Variants in MERTK observed in about 807,000 individuals in gnomAD.
MERTK encodes the protein MER proto-oncogene, tyrosine kinase.
A neutral mutation model predicts 99.3 loss-of-function variants in MERTK; 69 were observed. The observed-to-expected ratio is 0.70, with a 90% CI of 0.57 to 0.85. The LOEUF (loss-of-function observed/expected upper bound fraction) is 0.85. Ranked by LOEUF, MERTK falls within the 40% of genes least tolerant of loss-of-function variation. The probability of loss-of-function intolerance (pLI) is 0.00; values close to 1 mark genes in which losing one functional copy is unlikely to be tolerated. For missense variants in MERTK, 1,125 were observed against 1,249.4 expected (o/e 0.90, Z 1.50); for synonymous variants, 426 against 467.6 (o/e 0.91, Z 1.15).
intron 2 of MERTK, among the ~76,000 whole-genome samples, chr2:111,934,294 C>T (rs1420574239): frequency 2.6e-5 from 4 of 152,142 alleles, no homozygotes; most frequent in Non-Finnish European, 5.9e-5. Context: ...TGAGGAATTG[C>T]CACACTATCT....
intron 4 of MERTK, among the ~76,000 whole-genome samples, chr2:111,960,679 G>C (rs756480880): frequency 6.6e-6 from 1 of 151,662 alleles, no homozygotes; most frequent in Non-Finnish European, 1.5e-5. Context: ...TTGCCAATAA[G>C]TTCCCATGGT....
intron 2 of MERTK, among the ~76,000 whole-genome samples, chr2:111,942,710 C>T (rs1004378951): frequency 1.3e-5 from 2 of 151,984 alleles, no homozygotes; most frequent in African/African-American, 4.8e-5. Context: ...TACAAAAGAA[C>T]GAGGGGAAAG....
At chr2:111,936,233 A>G (rs573653670) in intron 2 of MERTK, among the ~76,000 whole-genome samples, 1 of 152,164 alleles carries the variant, frequency 6.6e-6, no homozygotes, top group African/African-American at 2.4e-5. Context: ...AAAATATTTT[A>G]AGGTATTTTA....
rs12467161 is a variant in MERTK, at chr2:111,957,151, T to G, written c.758-8040T>G. Among the ~76,000 whole-genome samples, 25 of 152,052 alleles carry G rather than the reference T, an allele frequency of 1.6e-4. 1 individual carries two copies. Among genetic ancestry groups the G allele is most frequent in the Middle Eastern group, 3.4e-3 (1 of 294 alleles). ...ACCGTGTTAGCCAGGATGGTCTCGATCTCCTGACCTCGTGATCCGCCCGCC... is the reference window on the plus strand; with the variant it reads ...ACCGTGTTAGCCAGGATGGTCTCGAGCTCCTGACCTCGTGATCCGCCCGCC... On this transcript the variant is annotated intron_variant, in intron 4 of 18. Transcript: ENST00000295408.
intron 12 of MERTK, 50 bp downstream of exon 12, chr2:112,003,237 G>T (rs747365023): frequency 1.7e-5 from 15 of 864,972 alleles, no homozygotes; most frequent in Non-Finnish European, 2.4e-5. Context: ...GAAGGTAGCA[G>T]TTTAGAATAA....
At chr2:111,977,443 T>G (rs1169827469) in intron 7 of MERTK, among the ~76,000 whole-genome samples, 1 of 152,184 alleles carries the variant, frequency 6.6e-6, no homozygotes, top group African/African-American at 2.4e-5. Context: ...CATCCTAACT[T>G]TGTTCCTCTG....
intron 7 of MERTK, among the ~76,000 whole-genome samples, chr2:111,976,815 CTTTG>C (rs1312080170): frequency 2.7e-5 from 4 of 148,294 alleles, no homozygotes; most frequent in South Asian, 2.1e-4. Flanking sequence ...ATTTTTTATT[CTTTG>C]TTTGGCTTAT....
At chr2:111,932,870 ATC>A (rs1477926242) in intron 2 of MERTK, among the ~76,000 whole-genome samples, 1 of 152,150 alleles carries the variant, frequency 6.6e-6, no homozygotes. Context: ...TGGGGCTGAC[ATC>A]TCTCTGGCCG....
chr2:111,964,541 G>A (rs1685324198), intron 4 of MERTK, among the ~76,000 whole-genome samples: 1 of 152,188 alleles, frequency 6.6e-6, no homozygotes, highest in Admixed American at 6.5e-5. Flanking sequence ...TTGGAGAATG[G>A]CATTAGAAAA....
intron 1 of MERTK, among the ~76,000 whole-genome samples, chr2:111,910,274 T>TTG (rs1553444654): frequency 5.2e-4 from 5 of 9,618 alleles, no homozygotes; most frequent in African/African-American, 1.9e-3. Flanking sequence ...CTGTTTTTTG[T>TTG]TTTTTTTTTT....
chr2:111,986,281 G>T (rs138159917), intron 8 of MERTK, among the ~76,000 whole-genome samples: 1 of 152,172 alleles, frequency 6.6e-6, no homozygotes, highest in Non-Finnish European at 1.5e-5. Context: ...AGGTGCCTCT[G>T]GATTAACTGC....
At chr2:111,919,798 T>C (rs1684420542) in intron 1 of MERTK, among the ~76,000 whole-genome samples, 2 of 143,512 alleles carry the variant, frequency 1.4e-5, no homozygotes, top group South Asian at 4.4e-4. Context: ...CTTTTTCTTT[T>C]CTTTTTTTTT....
chr2:112,019,534 C>T lies in MERTK; in HGVS notation c.2189+12C>T, dbSNP rs769257551. 9.5e-6 allele frequency: 15 copies of T among 1,586,534 alleles called. No homozygotes were observed. Among genetic ancestry groups the T allele is most frequent in the East Asian group, 8.9e-5 (4 of 44,750 alleles). On this transcript the variant is annotated intron_variant, in intron 16 of 18. Coordinates refer to ENST00000295408, the MANE Select transcript of MERTK (RefSeq NM_006343.3). ...GCTCGAAACTGCATGTAAGAGTCCTCGGCTATCCTGGAAGGGTTTGGACCT... is the reference window on the plus strand; with the variant it reads ...GCTCGAAACTGCATGTAAGAGTCCTTGGCTATCCTGGAAGGGTTTGGACCT...
At chr2:112,024,358 A>T (rs1317676970) in intron 18 of MERTK, among the ~76,000 whole-genome samples, 2 of 152,232 alleles carry the variant, frequency 1.3e-5, no homozygotes, top group Non-Finnish European at 2.9e-5. Flanking sequence ...AAACAAGTGA[A>T]TGCTGAGTCG....
At chr2:112,027,335 A>G (rs1334935069) in intron 18 of MERTK, among the ~76,000 whole-genome samples, 1 of 151,544 alleles carries the variant, frequency 6.6e-6, no homozygotes, top group Non-Finnish European at 1.5e-5. Flanking sequence ...CACATATGGC[A>G]TATATATACA....
At chr2:111,906,228 T>G (rs994760722) in intron 1 of MERTK, among the ~76,000 whole-genome samples, 4 of 152,156 alleles carry the variant, frequency 2.6e-5, no homozygotes, top group Non-Finnish European at 5.9e-5. Flanking sequence ...GTCCCCTTTT[T>G]TGTGTAATCT....
At chr2:111,990,531 T>A (rs2104395308) in intron 8 of MERTK, among the ~76,000 whole-genome samples, 1 of 152,264 alleles carries the variant, frequency 6.6e-6, no homozygotes, top group East Asian at 1.9e-4. Flanking sequence ...GTTAACTCAC[T>A]TAGGAGAATA....
intron 8 of MERTK, among the ~76,000 whole-genome samples, chr2:111,987,387 C>T (rs1327830447): frequency 6.6e-6 from 1 of 152,126 alleles, no homozygotes; most frequent in Non-Finnish European, 1.5e-5. Context: ...ATTTTTCTTG[C>T]GATTCCTTGC....
chr2:111,968,275 G>A (rs1286315546), intron 6 of MERTK, 23 bp downstream of exon 6: 3 of 1,574,944 alleles, frequency 1.9e-6, no homozygotes, highest in African/African-American at 2.7e-5. Context: ...GGTGAAGAGG[G>A]AAGTAGCTGT....
Sources: gnomAD v4.1 joint callset for allele counts (sites outside exome capture counted in the v4.1 genomes callset) on GRCh38, gnomAD v4.1.1 for gene constraint, MANE v1.5 for transcripts, NCBI Gene and HGNC (gene_info 2026-07-23, HGNC 2026-07-21) for gene names.